Variants in UBE2E2 observed in about 807,000 individuals in gnomAD.
UBE2E2 encodes the protein ubiquitin conjugating enzyme E2 E2.
In UBE2E2, 6 loss-of-function variants were observed where a neutral mutation model predicts 24.7. The observed-to-expected ratio is 0.24, with a 90% CI of 0.13 to 0.48. UBE2E2 has a LOEUF of 0.48. UBE2E2 is among the 20% of genes least tolerant of loss of function. The pLI, the probability that UBE2E2 is intolerant of heterozygous loss-of-function variation, is 0.99. For missense variants in UBE2E2, 169 were observed against 245.0 expected (o/e 0.69, Z 2.07); for synonymous variants, 104 against 83.6 (o/e 1.24, Z -1.33).
intron 5 of UBE2E2, among the ~76,000 whole-genome samples, chr3:23,546,732 C>T (rs1205492888): frequency 1.3e-5 from 2 of 151,938 alleles, no homozygotes; most frequent in Admixed American, 6.6e-5. Context: ...CTCAGCCTCC[C>T]AAATTGCTGG....
chr3:23,496,904 A>G (rs541120888), intron 3 of UBE2E2, among the ~76,000 whole-genome samples: 20 of 152,320 alleles, frequency 1.3e-4, no homozygotes, highest in African/African-American at 4.8e-4. Context: ...TCCAAATTTA[A>G]CTACTAATAA....
At chr3:23,319,294 A>G (rs2125287295) in intron 3 of UBE2E2, among the ~76,000 whole-genome samples, 1 of 152,336 alleles carries the variant, frequency 6.6e-6, no homozygotes, top group East Asian at 1.9e-4. Flanking sequence ...TCGGTCTGAA[A>G]TGGACCTGGC....
chr3:23,478,612 G>A (rs780065156), intron 3 of UBE2E2, among the ~76,000 whole-genome samples: 15 of 152,058 alleles, frequency 9.9e-5, no homozygotes, highest in East Asian at 3.8e-4. Flanking sequence ...TTTTCTTCCC[G>A]TAGAAGAGAA....
At chr3:23,376,823 T>C (rs1169549614) in intron 3 of UBE2E2, among the ~76,000 whole-genome samples, 1 of 152,176 alleles carries the variant, frequency 6.6e-6, no homozygotes, top group Non-Finnish European at 1.5e-5. Context: ...TTTATATGTA[T>C]TTTGAAGTCC....
Position 23,377,940 on chromosome 3 carries a change from A to T in UBE2E2, c.228-121668A>T, listed in dbSNP as rs528362117. Among the ~76,000 whole-genome samples, 99 of 152,290 alleles carry T rather than the reference A, an allele frequency of 6.5e-4. 1 individual carries two copies. The highest frequency in any genetic ancestry group is 2.3e-3 in the African/African-American group (97 of 41,572). On this transcript the variant is annotated intron_variant, in intron 3 of 5. Coordinates refer to ENST00000396703, the MANE Select transcript of UBE2E2 (RefSeq NM_152653.4). ...AAGCCTGTTTTTCTTCCTAAAAATG[A>T]CTAGATATTATATAACTCTATAGGT...
intron 3 of UBE2E2, among the ~76,000 whole-genome samples, chr3:23,323,829 C>G (rs1368220062): frequency 6.6e-6 from 1 of 152,066 alleles, no homozygotes; most frequent in African/African-American, 2.4e-5. Flanking sequence ...CCTGTGCTTT[C>G]TCATAGCACT....
intron 3 of UBE2E2, among the ~76,000 whole-genome samples, chr3:23,448,569 A>G (rs1698484953): frequency 6.6e-6 from 1 of 152,220 alleles, no homozygotes; most frequent in African/African-American, 2.4e-5. Flanking sequence ...TTCAACTTTT[A>G]CAGTAACATT....
chr3:23,502,947 C>T (rs1395504207), intron 4 of UBE2E2, among the ~76,000 whole-genome samples: 1 of 152,104 alleles, frequency 6.6e-6, no homozygotes, highest in Non-Finnish European at 1.5e-5. Context: ...TATTTAACCA[C>T]CAATGATAAT....
chr3:23,370,402 T>C (rs1696372404), intron 3 of UBE2E2, among the ~76,000 whole-genome samples: 1 of 152,234 alleles, frequency 6.6e-6, no homozygotes, highest in Non-Finnish European at 1.5e-5. Flanking sequence ...GAGATAGTAA[T>C]GTCAATTTTT....
intron 3 of UBE2E2, among the ~76,000 whole-genome samples, chr3:23,385,785 T>C (rs982624649): frequency 6.6e-6 from 1 of 152,226 alleles, no homozygotes; most frequent in Non-Finnish European, 1.5e-5. Flanking sequence ...TCTCACAGAT[T>C]GTTGCACTTG....
At chr3:23,224,158 T>G (rs1235742049) in intron 3 of UBE2E2, among the ~76,000 whole-genome samples, 4 of 81,690 alleles carry the variant, frequency 4.9e-5, no homozygotes, top group African/African-American at 1.1e-4. Flanking sequence ...AATTTTAGGT[T>G]TTTTTTTTTT....
chr3:23,356,125 G>C (rs1695942624), intron 3 of UBE2E2, among the ~76,000 whole-genome samples: 1 of 152,296 alleles, frequency 6.6e-6, no homozygotes, highest in East Asian at 1.9e-4. Context: ...AACCTAAACT[G>C]CTACTGGTAC....
intron 3 of UBE2E2, among the ~76,000 whole-genome samples, chr3:23,485,802 C>CAG (rs1236854428): frequency 6.6e-6 from 1 of 152,022 alleles, no homozygotes; most frequent in Non-Finnish European, 1.5e-5. Flanking sequence ...GTATGGGGGA[C>CAG]AGAGAGAGAC....
chr3:23,360,554 A>G (rs1254768955), intron 3 of UBE2E2, among the ~76,000 whole-genome samples: 1 of 152,204 alleles, frequency 6.6e-6, no homozygotes, highest in Non-Finnish European at 1.5e-5. Flanking sequence ...AGAGATAATA[A>G]TGAAATCTTC....
intron 3 of UBE2E2, among the ~76,000 whole-genome samples, chr3:23,330,943 C>A (rs1695043021): frequency 6.6e-6 from 1 of 152,008 alleles, no homozygotes; most frequent in African/African-American, 2.4e-5. Context: ...TTCTGTAATA[C>A]CTAGGTAGTT....
At chr3:23,406,069 A>C (rs140441050) in intron 3 of UBE2E2, among the ~76,000 whole-genome samples, 1 of 152,382 alleles carries the variant, frequency 6.6e-6, no homozygotes, top group African/African-American at 2.4e-5. Flanking sequence ...AATTAAAACA[A>C]TAGCCTGAGT....
intron 3 of UBE2E2, among the ~76,000 whole-genome samples, chr3:23,465,853 C>CA (rs1698909458): frequency 6.6e-6 from 1 of 152,108 alleles, no homozygotes; most frequent in South Asian, 2.1e-4. Context: ...AACTATAACT[C>CA]AGAGTTATAT....
rs1266325399 is a variant in UBE2E2, at chr3:23,247,450, G to A, written c.227+30138G>A. On this transcript the variant is annotated intron_variant, in intron 3 of 5. Coordinates refer to ENST00000396703, the MANE Select transcript of UBE2E2 (RefSeq NM_152653.4). ...GCTCACCAGAACCTCTGCCTCCCGC[G>A]TACAAGCGATTCTCCTGCCTCAGCC... Among the ~76,000 whole-genome samples, 7 of 151,258 alleles carry A rather than the reference G, an allele frequency of 4.6e-5. No homozygotes were observed. The South Asian group carries it at 6.3e-4, about 14-fold the overall frequency.
At chr3:23,450,168 G>C (rs1472094199) in intron 3 of UBE2E2, among the ~76,000 whole-genome samples, 1 of 152,160 alleles carries the variant, frequency 6.6e-6, no homozygotes, top group African/African-American at 2.4e-5. Flanking sequence ...AAAAGAATTT[G>C]TTTGGATAAA....
Sources: gnomAD v4.1 joint callset for allele counts (sites outside exome capture counted in the v4.1 genomes callset) on GRCh38, gnomAD v4.1.1 for gene constraint, MANE v1.5 for transcripts, NCBI Gene and HGNC (gene_info 2026-07-23, HGNC 2026-07-21) for gene names.